OTUD7A: variants seen among roughly 807,000 people sequenced by gnomAD.
OTUD7A encodes the protein OTU deubiquitinase 7A.
Under a neutral mutation model 65.7 loss-of-function variants are expected in OTUD7A, and 12 were observed. That is an observed-to-expected ratio of 0.18 (90% CI 0.12 to 0.30). The LOEUF (loss-of-function observed/expected upper bound fraction) is 0.30. Ranked by LOEUF, OTUD7A falls within the 10% of genes least tolerant of loss-of-function variation. OTUD7A has a pLI of 1.00. For synonymous variants in OTUD7A, 641 were observed against 586.3 expected (o/e 1.09, Z -1.35); for missense variants, 1,148 against 1,304.8 (o/e 0.88, Z 1.85).
intron 1 of OTUD7A, among the ~76,000 whole-genome samples, chr15:31,760,849 G>C (rs1894942040): frequency 6.6e-6 from 1 of 152,112 alleles, no homozygotes; most frequent in Non-Finnish European, 1.5e-5. Flanking sequence ...ATAAACCCTT[G>C]CATTTATGTC....
rs549914550 is a variant in OTUD7A at position 31,841,985 on chromosome 15, T to C, written c.-100+28522A>G. On this transcript the variant is annotated intron_variant, in intron 1 of 12. Transcript: ENST00000307050. ...TGCTCTAGAATGTCCAAAGCCATACTGTTCATAATAGCCCAAACTGGCGAC... is the reference window on the plus strand; with the variant it reads ...TGCTCTAGAATGTCCAAAGCCATACCGTTCATAATAGCCCAAACTGGCGAC... Among the ~76,000 whole-genome samples the C allele has an allele frequency of 8.5e-5, 13 of 152,368 alleles. No individual in the cohort carries two copies. In the South Asian group the frequency reaches 2.7e-3, roughly 32 times the overall value.
At chr15:31,603,988 T>G (rs1890160309) in intron 3 of OTUD7A, among the ~76,000 whole-genome samples, 1 of 152,212 alleles carries the variant, frequency 6.6e-6, no homozygotes, top group Non-Finnish European at 1.5e-5. Flanking sequence ...ACTTTTACAC[T>G]GTTGGTGGGA....
intron 1 of OTUD7A, among the ~76,000 whole-genome samples, chr15:31,679,963 T>G (rs138641226): frequency 1.3e-5 from 2 of 152,220 alleles, no homozygotes; most frequent in Non-Finnish European, 2.9e-5. Context: ...AAAATTGGCA[T>G]ATTATATGAT....
intron 5 of OTUD7A, among the ~76,000 whole-genome samples, chr15:31,553,211 G>C (rs1369376065): frequency 6.6e-6 from 1 of 152,140 alleles, no homozygotes; most frequent in Non-Finnish European, 1.5e-5. Flanking sequence ...TCCACCGCTG[G>C]TTCGCCCTGA....
intron 1 of OTUD7A, among the ~76,000 whole-genome samples, chr15:31,800,990 C>G (rs1315715976): frequency 7.1e-6 from 1 of 141,774 alleles, no homozygotes; most frequent in African/African-American, 2.7e-5. Flanking sequence ...ACAAACAAAG[C>G]AGGAAACAAC....
At chr15:31,858,032 A>G (rs889481271) in intron 1 of OTUD7A, among the ~76,000 whole-genome samples, 1 of 152,238 alleles carries the variant, frequency 6.6e-6, no homozygotes, top group Non-Finnish European at 1.5e-5. Flanking sequence ...AAAAGTATGT[A>G]TATCACTGTG....
chr15:31,792,035 A>G (rs1895830998), intron 1 of OTUD7A, among the ~76,000 whole-genome samples: 5 of 151,814 alleles, frequency 3.3e-5, no homozygotes, highest in Admixed American at 2.0e-4. Flanking sequence ...ACTTCCTACC[A>G]CCACTCCCTC....
At chr15:31,573,698 T>C (rs1418548403) in intron 3 of OTUD7A, among the ~76,000 whole-genome samples, 2 of 152,178 alleles carry the variant, frequency 1.3e-5, no homozygotes, top group East Asian at 3.9e-4. Context: ...GTCAGGAGTT[T>C]GAGACTAGCC....
intron 1 of OTUD7A, among the ~76,000 whole-genome samples, chr15:31,701,748 T>C (rs1411175919): frequency 6.6e-6 from 1 of 152,126 alleles, no homozygotes; most frequent in East Asian, 1.9e-4. Context: ...ACACCTATTC[T>C]ACTGTCTCTT....
intron 10 of OTUD7A, among the ~76,000 whole-genome samples, chr15:31,488,597 A>T (rs550314929): frequency 9.8e-5 from 15 of 152,338 alleles, no homozygotes; most frequent in African/African-American, 3.6e-4. Flanking sequence ...CACACAGCAG[A>T]GAAGCACAGC....
At chr15:31,551,879 G>A (rs548955143) in intron 5 of OTUD7A, among the ~76,000 whole-genome samples, 104 of 152,298 alleles carry the variant, frequency 6.8e-4, no homozygotes, top group African/African-American at 2.4e-3. Flanking sequence ...TGGGGCAGGG[G>A]CCTTGTGTTC....
At chr15:31,862,700 G>A (rs187206696) in intron 1 of OTUD7A, among the ~76,000 whole-genome samples, 280 of 152,178 alleles carry the variant, frequency 1.8e-3, no homozygotes, top group Middle Eastern at 0.01. Context: ...GGAAATTCTG[G>A]GAGACACAAT....
At chr15:31,778,275 T>C (rs916685842) in intron 1 of OTUD7A, among the ~76,000 whole-genome samples, 4 of 152,090 alleles carry the variant, frequency 2.6e-5, no homozygotes, top group Non-Finnish European at 5.9e-5. Context: ...GGTCACTTTG[T>C]AGCAATAATC....
At position 31,483,799 on chromosome 15, in the gene OTUD7A, G is replaced by A. The variant is rs940744523; in HGVS notation, c.2297C>T (p.Pro766Leu). The A allele has an allele frequency of 1.1e-5, 11 of 1,026,930 alleles. No homozygotes were observed. In the African/African-American group the frequency reaches 1.2e-4, roughly 11 times the overall value. 63.6% of individuals were successfully genotyped at this position (1,026,930 alleles called of 1,614,324 possible). Residue 766 changes from proline to leucine, a missense_variant, in exon 13 of 13, where the codon CCT (proline) becomes CTT (leucine). By Grantham distance (98) the Pro-to-Leu change is moderately conservative. Around this residue, in one of 6 missense-constraint regions of OTUD7A, gnomAD observed 842 missense variants for 769.5 expected, o/e 1.09. Coordinates refer to ENST00000307050, the MANE Select transcript of OTUD7A (RefSeq NM_001382637.1). The part of the protein sequence containing the change: ...ARRASASGPV[P>L]GRSPPAPARQ... The stretch of plus-strand genomic sequence containing the variant: ...CGCTGGCGCCGGGGGGCTGCGGCCA[G>A]GCACTGGTCCGCTGGCGCTCGCACG...
intron 1 of OTUD7A, among the ~76,000 whole-genome samples, chr15:31,659,744 C>T (rs867477964): frequency 7.9e-5 from 12 of 152,148 alleles, no homozygotes; most frequent in African/African-American, 2.4e-4. Context: ...AGAGGGCCAG[C>T]GAGGGCCACG....
chr15:31,604,225 A>G (rs938949656), intron 3 of OTUD7A, among the ~76,000 whole-genome samples: 84 of 152,262 alleles, frequency 5.5e-4, no homozygotes, highest in African/African-American at 2.0e-3. Context: ...CTGGATAAAG[A>G]AAATGTGGCA....
intron 1 of OTUD7A, among the ~76,000 whole-genome samples, chr15:31,788,607 C>G (rs1174786539): frequency 6.6e-6 from 1 of 152,188 alleles, no homozygotes; most frequent in Non-Finnish European, 1.5e-5. Context: ...GGCCAATCAT[C>G]CATAGTTGCA....
chr15:31,797,442 C>T (rs1895997891), intron 1 of OTUD7A, among the ~76,000 whole-genome samples: 1 of 152,132 alleles, frequency 6.6e-6, no homozygotes, highest in Non-Finnish European at 1.5e-5. Flanking sequence ...CCATTAATAC[C>T]GAGTCTAAGC....
chr15:31,543,472 T>G (rs944650007), intron 5 of OTUD7A, among the ~76,000 whole-genome samples: 1 of 151,904 alleles, frequency 6.6e-6, no homozygotes, highest in African/African-American at 2.4e-5. Context: ...ATTTTATGAA[T>G]AAATTAACTA....
Sources: allele counts gnomAD v4.1 joint callset (sites outside exome capture counted in the v4.1 genomes callset), GRCh38; gene constraint gnomAD v4.1.1; regional missense constraint gnomAD v4.1.1; transcripts MANE v1.5; gene names NCBI Gene and HGNC (gene_info 2026-07-23, HGNC 2026-07-21).